The following NRXN3 variants were observed in gnomAD, a reference collection of about 807,000 sequenced individuals.
NRXN3 encodes neurexin III.
Under a neutral mutation model 137.6 loss-of-function variants are expected in NRXN3, and 32 were observed. That is an observed-to-expected ratio of 0.23 (90% CI 0.18 to 0.31). The LOEUF (loss-of-function observed/expected upper bound fraction) is 0.31. NRXN3 is among the 10% of genes least tolerant of loss of function. The pLI is 1.00. For missense variants in NRXN3, 1,574 were observed against 2,062.5 expected (o/e 0.76, Z 4.59); for synonymous variants, 798 against 784.5 (o/e 1.02, Z -0.29).
intron 3 of NRXN3, chr14:78,282,270 A>G (rs1167931079): frequency 2.3e-6 from 1 of 429,320 alleles, no homozygotes; most frequent in Non-Finnish European, 4.8e-6. Context: ...TGCCTGTTCT[A>G]GAACTCTCTG....
At chr14:79,772,490 G>C (rs1285028210) in intron 19 of NRXN3, among the ~76,000 whole-genome samples, 1 of 152,122 alleles carries the variant, frequency 6.6e-6, no homozygotes, top group Admixed American at 6.6e-5. Flanking sequence ...ACAACTACCT[G>C]ATCTTTGACA....
At chr14:79,010,220 G>A (rs987174569) in intron 15 of NRXN3, among the ~76,000 whole-genome samples, 2 of 152,150 alleles carry the variant, frequency 1.3e-5, no homozygotes, top group African/African-American at 4.8e-5. Context: ...AATCCAATTA[G>A]AGAAAATGAA....
intron 15 of NRXN3, among the ~76,000 whole-genome samples, chr14:79,079,995 A>C (rs1017980933): frequency 6.6e-6 from 1 of 152,124 alleles, no homozygotes; most frequent in African/African-American, 2.4e-5. Flanking sequence ...CTCAAAAGAA[A>C]AAGTCAAACT....
rs11845899 is a variant in NRXN3 at position 78,548,979 on chromosome 14, C to T, written c.758-96141C>T. On this transcript the variant is annotated intron_variant, in intron 4 of 20. Transcript: ENST00000335750. ...TGCATCCCTGTGACATCTGCCCCAA[C>T]GAAATCAGAAGAGGAGAAGGGACCA... is the stretch of plus-strand genomic sequence containing the variant. Among the ~76,000 whole-genome samples, 547 of 152,298 alleles carry T rather than the reference C, an allele frequency of 3.6e-3. 1 individual carries two copies. Among genetic ancestry groups the T allele is most frequent in the African/African-American group, 0.012 (487 of 41,568 alleles).
chr14:78,484,539 C>G (rs2095531766), intron 4 of NRXN3, among the ~76,000 whole-genome samples: 1 of 152,128 alleles, frequency 6.6e-6, no homozygotes, highest in Non-Finnish European at 1.5e-5. Flanking sequence ...GAGAGGGGGC[C>G]TAGAATTGTC....
chr14:78,589,859 T>G (rs924981846), intron 4 of NRXN3, among the ~76,000 whole-genome samples: 5 of 152,118 alleles, frequency 3.3e-5, no homozygotes, highest in African/African-American at 1.2e-4. Flanking sequence ...TAAATTTGAT[T>G]TAAGTTTCAA....
chr14:79,616,742 G>T (rs2098160826), intron 16 of NRXN3, among the ~76,000 whole-genome samples: 2 of 152,140 alleles, frequency 1.3e-5, no homozygotes, highest in Admixed American at 6.5e-5. Flanking sequence ...TATTCCATGG[G>T]TTCAATGGGG....
chr14:79,682,171 C>T (rs547789874), intron 17 of NRXN3, among the ~76,000 whole-genome samples: 2 of 152,034 alleles, frequency 1.3e-5, no homozygotes, highest in East Asian at 1.9e-4. Context: ...TCTCCCTTTC[C>T]TCTTTTCTTC....
rs374025321 is a variant in NRXN3 at position 79,334,161 on chromosome 14, G to A, written c.3263-133060G>A. Among the ~76,000 whole-genome samples the A allele has an allele frequency of 6.6e-5, 10 of 152,272 alleles. No individual in the cohort carries two copies. In the South Asian group the frequency reaches 2.1e-3, roughly 32 times the overall value. ...ACAATATAAACTTCTTGCCTTTATG[G>A]AATGGCATTCTAGTCAGGTATACTG... is the stretch of plus-strand genomic sequence containing the variant. On this transcript the variant is annotated intron_variant, in intron 15 of 20. Coordinates refer to ENST00000335750, the MANE Select transcript of NRXN3 (RefSeq NM_001330195.2).
At chr14:78,513,539 A>G (rs537050402) in intron 4 of NRXN3, among the ~76,000 whole-genome samples, 2 of 152,292 alleles carry the variant, frequency 1.3e-5, no homozygotes, top group African/African-American at 4.8e-5. Flanking sequence ...TCGCATGACC[A>G]TTCTATGAGA....
chr14:79,543,565 A>G (rs2097293206), intron 16 of NRXN3, among the ~76,000 whole-genome samples: 1 of 152,282 alleles, frequency 6.6e-6, no homozygotes, highest in Admixed American at 6.5e-5. Flanking sequence ...GGTTGTGGCC[A>G]CAGCATGAAC....
chr14:79,348,378 C>CTCTCTTTTTTTTT (rs535595782), intron 15 of NRXN3, among the ~76,000 whole-genome samples: 1 of 135,960 alleles, frequency 7.4e-6, no homozygotes, highest in African/African-American at 2.9e-5. Context: ...AATCTTCTCT[C>CTCTCTTTTTTTTT]TTTTTTTTTT....
intron 16 of NRXN3, among the ~76,000 whole-genome samples, chr14:79,513,347 C>T (rs969821164): frequency 2.0e-5 from 3 of 152,072 alleles, no homozygotes; most frequent in Admixed American, 6.5e-5. Flanking sequence ...GTTGGTGGTG[C>T]ATTCAGGACA....
At chr14:78,618,734 T>TC (rs749050867) in intron 4 of NRXN3, among the ~76,000 whole-genome samples, 6 of 152,158 alleles carry the variant, frequency 3.9e-5, no homozygotes, top group Non-Finnish European at 5.9e-5. Context: ...CTTTATATGG[T>TC]AGGAAAACTG....
At chr14:78,663,671 G>T (rs2152689558) in intron 6 of NRXN3, among the ~76,000 whole-genome samples, 1 of 152,188 alleles carries the variant, frequency 6.6e-6, no homozygotes, top group East Asian at 1.9e-4. Context: ...TGAATTTTCA[G>T]TCTGATTTTG....
At chr14:79,365,739 A>G (rs991552348) in intron 15 of NRXN3, among the ~76,000 whole-genome samples, 5 of 144,880 alleles carry the variant, frequency 3.5e-5, no homozygotes, top group South Asian at 2.2e-4. Flanking sequence ...AAAAAAAAAA[A>G]AAAAAGAAAA....
In NRXN3 at chr14:78,709,570, T is replaced by C. The variant is rs971078318; in HGVS notation, c.1575T>C (p.Ser525=). Residue 525 remains serine (S), a synonymous_variant, in exon 7 of 21, where the codon TCT becomes TCC. Transcript: ENST00000335750. ...GNLYLLLDMG[S]GTIKVKATQK... is the part of the protein sequence containing the mutation. ...TGTACTTGCTGCTTGACATGGGCTC[T>C]GGCACCATCAAAGTGAAAGCCACTC... The C allele has an allele frequency of 6.2e-6, 10 of 1,613,940 alleles. No individual in the cohort carries two copies. Among genetic ancestry groups the C allele is most frequent in the Non-Finnish European group, 7.6e-6 (9 of 1,180,010 alleles).
chr14:78,801,039 A>T (rs1336661011), intron 8 of NRXN3, among the ~76,000 whole-genome samples: 1 of 152,190 alleles, frequency 6.6e-6, no homozygotes, highest in African/African-American at 2.4e-5. Flanking sequence ...GAAATACATG[A>T]GGCCGGGCGC....
chr14:78,866,377 G>C (rs1449456107), intron 10 of NRXN3, among the ~76,000 whole-genome samples: 1 of 152,134 alleles, frequency 6.6e-6, no homozygotes, highest in Non-Finnish European at 1.5e-5. Flanking sequence ...GCATTATTTT[G>C]TGTGGAATAT....
Sources: gnomAD v4.1 joint callset for allele counts (sites outside exome capture counted in the v4.1 genomes callset) on GRCh38, gnomAD v4.1.1 for gene constraint, MANE v1.5 for transcripts, NCBI Gene and HGNC (gene_info 2026-07-23, HGNC 2026-07-21) for gene names.